The following ZNF536 variants were observed in gnomAD, a reference collection of about 807,000 sequenced individuals.
ZNF536 encodes zinc finger protein 536.
ZNF536 carries 13 observed loss-of-function variants against 84.5 expected under a neutral mutation model. That is an observed-to-expected ratio of 0.15 (90% confidence interval 0.10 to 0.24). ZNF536 has a LOEUF of 0.24. ZNF536 is among the 10% of genes least tolerant of loss of function. The probability of loss-of-function intolerance (pLI) is 1.00; values close to 1 mark genes in which losing one functional copy is unlikely to be tolerated. For synonymous variants in ZNF536, 811 were observed against 742.5 expected, an observed-to-expected ratio of 1.09 and a Z score of -1.50; for missense variants, 1,536 against 1,747.5, an observed-to-expected ratio of 0.88 and a Z score of 2.16.
At position 30,334,760 on chromosome 19, in the gene ZNF536, G is replaced by T. The variant is rs111468152; in HGVS notation, c.-119-17608G>T. Among the ~76,000 whole-genome samples, 374 of 152,278 alleles carry T rather than the reference G, an allele frequency of 2.5e-3. 2 individuals are homozygous for T. The highest frequency in any genetic ancestry group is 8.5e-3 in the African/African-American group (355 of 41,558). On this transcript the variant is annotated intron_variant, in intron 2 of 5. Coordinates refer to the ZNF536 transcript ENST00000585628. ...AGTTTCCAACCATTTTGGCACCGGG[G>T]ATCTGTTTCATGGAAAACAATTTTT... is the stretch of plus-strand genomic sequence containing the variant.
At chr19:30,285,306 A>G (rs1191862641) in intron 2 of ZNF536, among the ~76,000 whole-genome samples, 2 of 152,214 alleles carry the variant, frequency 1.3e-5, no homozygotes, top group African/African-American at 2.4e-5. Context: ...AATCCTGGGC[A>G]TGTGACTGGG....
intron 1 of ZNF536, among the ~76,000 whole-genome samples, chr19:30,691,783 C>A (rs551927942): frequency 2.1e-4 from 32 of 152,332 alleles, no homozygotes; most frequent in African/African-American, 7.7e-4. Context: ...AGACATCCAA[C>A]TGCAGTTACG....
intron 1 of ZNF536, among the ~76,000 whole-genome samples, chr19:30,625,202 C>T (rs980167686): frequency 6.6e-6 from 1 of 152,188 alleles, no homozygotes; most frequent in Non-Finnish European, 1.5e-5. Flanking sequence ...CACAGCTGAG[C>T]TCTGCCCCTC....
chr19:30,321,014 C>T (rs1484547413), intron 2 of ZNF536, among the ~76,000 whole-genome samples: 1 of 152,192 alleles, frequency 6.6e-6, no homozygotes, highest in Non-Finnish European at 1.5e-5. Context: ...TCCAGTGACA[C>T]AGAAAAATGC....
intron 1 of ZNF536, among the ~76,000 whole-genome samples, chr19:30,607,515 T>A (rs747857478): frequency 2.6e-5 from 4 of 151,380 alleles, no homozygotes; most frequent in Non-Finnish European, 5.9e-5. Flanking sequence ...AGGTCAGGAG[T>A]TTGAAACCAA....
intron 2 of ZNF536, among the ~76,000 whole-genome samples, chr19:30,317,552 C>T (rs2046721965): frequency 6.6e-6 from 1 of 152,210 alleles, no homozygotes; most frequent in Non-Finnish European, 1.5e-5. Flanking sequence ...GGGGTCTGTG[C>T]TCCAGAAGGC....
intron 1 of ZNF536, among the ~76,000 whole-genome samples, chr19:30,691,666 G>T (rs1445335480): frequency 6.6e-6 from 1 of 152,018 alleles, no homozygotes; most frequent in African/African-American, 2.4e-5. Flanking sequence ...TTGTCTCCTT[G>T]CTAAAATCTC....
In ZNF536 at chr19:30,495,860, C is replaced by T. The variant is rs142140270; in HGVS notation, c.2171-38987C>T. Among the ~76,000 whole-genome samples the T allele has an allele frequency of 5.6e-3, 847 of 152,182 alleles. 8 individuals are homozygous for T. Among genetic ancestry groups the T allele is most frequent in the African/African-American group, 0.016 (645 of 41,512 alleles). On this transcript the variant is annotated intron_variant, in intron 2 of 4. Coordinates refer to ENST00000355537, the MANE Select transcript of ZNF536 (RefSeq NM_014717.3). ...CACAGCAAGAGACTCCAGTAGAGGC[C>T]GGGGAGGGAGTCCAGACTTTGTAGC...
chr19:30,534,634 C>A (rs898904082), intron 2 of ZNF536, among the ~76,000 whole-genome samples: 1 of 152,082 alleles, frequency 6.6e-6, no homozygotes, highest in Non-Finnish European at 1.5e-5. Context: ...TATAAAGGTA[C>A]CATATGCTGC....
chr19:30,392,893 C>T (rs1359951509), intron 1 of ZNF536, among the ~76,000 whole-genome samples: 1 of 152,142 alleles, frequency 6.6e-6, no homozygotes, highest in Non-Finnish European at 1.5e-5. Flanking sequence ...TTGGTAACTT[C>T]AAATAAAACC....
At chr19:30,542,961 G>A (rs1244695200) in intron 3 of ZNF536, among the ~76,000 whole-genome samples, 1 of 152,084 alleles carries the variant, frequency 6.6e-6, no homozygotes, top group Non-Finnish European at 1.5e-5. Context: ...ACAGGTGTGT[G>A]ACACCACACC....
chr19:30,634,750 C>G (rs552989596), intron 1 of ZNF536, among the ~76,000 whole-genome samples: 1 of 152,184 alleles, frequency 6.6e-6, no homozygotes, highest in South Asian at 2.1e-4. Flanking sequence ...ACAATCCAAC[C>G]AGAAAGGGGA....
At chr19:30,637,641 A>G (rs527366896) in intron 1 of ZNF536, among the ~76,000 whole-genome samples, 12 of 152,308 alleles carry the variant, frequency 7.9e-5, no homozygotes, top group African/African-American at 2.9e-4. Flanking sequence ...ACATATTTTA[A>G]CATCCTTCTA....
chr19:30,465,494 G>T (rs111783061), intron 2 of ZNF536, among the ~76,000 whole-genome samples: 1 of 152,172 alleles, frequency 6.6e-6, no homozygotes, highest in East Asian at 1.9e-4. Flanking sequence ...TGGTGTGAGC[G>T]CCAGGAGAGC....
rs1220954106 is a variant in ZNF536, at chr19:30,445,787, C to T, written c.2170+55C>T. ...GCTTGTACAGCAGCCCTGCTCAGGG[C>T]TGCCTGGTTCTGCTCCCAGGCCTCC... is the stretch of plus-strand genomic sequence containing the variant. On this transcript the variant is annotated intron_variant, in intron 2 of 4. Transcript: ENST00000355537. This position sits in a 1 kb window ranked among gnomAD's most constrained non-coding sequence, Gnocchi z 4.5. The T allele has an allele frequency of 6.0e-6, 9 of 1,509,082 alleles. No homozygotes were observed. In the East Asian group the frequency reaches 2.1e-4, roughly 34 times the overall value. The allele number at this position is 1,509,082 out of a possible 1,614,324, so 93.5% of individuals were successfully genotyped here. A position where few individuals can be genotyped will look rare whatever the true frequency, so the allele number is the denominator to read the frequency against.
At chr19:30,349,402 T>A (rs867145959) in intron 2 of ZNF536, among the ~76,000 whole-genome samples, 1 of 152,174 alleles carries the variant, frequency 6.6e-6, no homozygotes, top group African/African-American at 2.4e-5. Flanking sequence ...TGGAAAATGT[T>A]CCTGCCTTCC....
chr19:30,654,595 A>G (rs545808176), intron 1 of ZNF536, among the ~76,000 whole-genome samples: 1 of 152,300 alleles, frequency 6.6e-6, no homozygotes, highest in South Asian at 2.1e-4. Flanking sequence ...GGTGAAACCA[A>G]AAAGACCTTT....
Position 30,701,755 on chromosome 19 carries a change from A to G in ZNF536, c.170-9002A>G, listed in dbSNP as rs568739894. 2.7e-3 allele frequency among the ~76,000 whole-genome samples: 404 copies of G among 152,362 alleles called. 3 individuals carry two copies. Among genetic ancestry groups the G allele is most frequent in the Non-Finnish European group, 4.3e-3 (294 of 68,034 alleles). On this transcript the variant is annotated intron_variant, in intron 1 of 1. Coordinates refer to the ZNF536 transcript ENST00000592773. Reference sequence around the variant, plus strand: ...GAAGTTGAATTCCTGATCAGTAAGCAGTAAGTTCCATACGTGTGACTTTGG... The same window carrying G: ...GAAGTTGAATTCCTGATCAGTAAGCGGTAAGTTCCATACGTGTGACTTTGG...
At chr19:30,477,598 A>T (rs2053903666) in intron 2 of ZNF536, among the ~76,000 whole-genome samples, 1 of 152,160 alleles carries the variant, frequency 6.6e-6, no homozygotes, top group African/African-American at 2.4e-5. Context: ...TACTTTTTAG[A>T]CAACCCAGTA....
Sources: allele counts gnomAD v4.1 joint callset (sites outside exome capture counted in the v4.1 genomes callset), GRCh38; gene constraint gnomAD v4.1.1; non-coding constraint Gnocchi (gnomAD v3.1); transcripts MANE v1.5; gene names NCBI Gene and HGNC (gene_info 2026-07-23, HGNC 2026-07-21).